Variants in NVL observed in about 807,000 individuals in gnomAD.
The protein encoded by NVL is nuclear VCP like.
In NVL, 84 loss-of-function variants were observed where a neutral mutation model predicts 110.2. That is an observed-to-expected ratio of 0.76 (90% confidence interval 0.64 to 0.91). The LOEUF is 0.91. Among genes scored for constraint, NVL ranks in the 40% least tolerant of loss-of-function variants. NVL has a pLI of 0.00. For synonymous variants in NVL, 354 were observed against 361.1 expected (o/e 0.98, Z 0.22); for missense variants, 882 against 1,035.9 (o/e 0.85, Z 2.04).
chr1:224,301,398 G>A (rs575986994), intron 9 of NVL, among the ~76,000 whole-genome samples: 1 of 151,972 alleles, frequency 6.6e-6, no homozygotes, highest in Non-Finnish European at 1.5e-5. Context: ...ACCATTCCTG[G>A]CCTATCAAAA....
At chr1:224,272,805 C>T (rs1049033910) in intron 17 of NVL, among the ~76,000 whole-genome samples, 3 of 149,330 alleles carry the variant, frequency 2.0e-5, no homozygotes, top group African/African-American at 2.5e-5. Flanking sequence ...GAGGCCGAGG[C>T]GGGCGGATCG....
rs1374343940 is a variant in NVL, at chr1:224,227,688, A to G, written c.2527-18T>C. 6.2e-7 allele frequency: 1 copy of G among 1,607,152 alleles called. No individual in the cohort carries two copies. Among genetic ancestry groups the G allele is most frequent in the Admixed American group, 1.7e-5 (1 of 59,612 alleles). ...ATTTGATCCTGAAAGGAGGGAGAAC[A>G]CAGAATACAGAGACCGTCACTGCTT... On this transcript the variant is annotated intron_variant, in intron 22 of 22. Coordinates refer to ENST00000281701, the MANE Select transcript of NVL (RefSeq NM_002533.4).
At chr1:224,305,239 G>A (rs1272330755) in intron 6 of NVL, 73 bp from the exon 7 acceptor site, 5 of 1,460,062 alleles carry the variant, frequency 3.4e-6, no homozygotes, top group Non-Finnish European at 4.6e-6. Flanking sequence ...TTTTAAAGAG[G>A]GGCATTGTAA....
chr1:224,298,947 C>G (rs913077279), intron 10 of NVL, among the ~76,000 whole-genome samples: 7 of 151,116 alleles, frequency 4.6e-5, no homozygotes, highest in Non-Finnish European at 7.4e-5. Context: ...TATATTTTAC[C>G]ACAAAAAAGA....
Position 224,279,682 on chromosome 1 carries a change from A to G in NVL, c.1962+1441T>C, listed in dbSNP as rs553836136. The stretch of plus-strand genomic sequence containing the variant: ...TACTCCTGGCCACTTTCCTTGTTTT[A>G]TTGAAGAAAATCCTAGATGTCCTAT... On this transcript the variant is annotated intron_variant, in intron 16 of 22. Transcript: ENST00000281701. Among the ~76,000 whole-genome samples the G allele has an allele frequency of 2.6e-5, 4 of 152,264 alleles. No homozygotes were observed. In the East Asian group the frequency reaches 7.7e-4, roughly 29 times the overall value.
At chr1:224,242,592 C>T (rs1025291629) in intron 19 of NVL, among the ~76,000 whole-genome samples, 2 of 150,286 alleles carry the variant, frequency 1.3e-5, no homozygotes, top group Non-Finnish European at 2.9e-5. Flanking sequence ...CTCAGCCTTC[C>T]GAGTAGCTGG....
At chr1:224,278,179 C>A (rs1165148530) in intron 16 of NVL, among the ~76,000 whole-genome samples, 6 of 149,514 alleles carry the variant, frequency 4.0e-5, no homozygotes, top group Admixed American at 2.0e-4. Context: ...AGAGTGAACT[C>A]ATTTTCCAAT....
intron 16 of NVL, among the ~76,000 whole-genome samples, chr1:224,280,052 T>G (rs2102587886): frequency 6.6e-6 from 1 of 151,794 alleles, no homozygotes; most frequent in East Asian, 1.9e-4. Context: ...ATAGTAAATA[T>G]AGAAAGAAGT....
intron 6 of NVL, chr1:224,305,420 A>G (rs1346052730): frequency 2.9e-6 from 1 of 349,866 alleles, no homozygotes; most frequent in Non-Finnish European, 5.1e-6. Context: ...TTGGAATGAT[A>G]CAAAGATTAG....
chr1:224,275,344 G>C lies in NVL; in HGVS notation c.2077C>G (p.Arg693Gly). The C allele has an allele frequency of 6.2e-7, 1 of 1,613,994 alleles. No homozygotes were observed. Among genetic ancestry groups the C allele is most frequent in the Non-Finnish European group, 8.5e-7 (1 of 1,179,964 alleles). ...VDALCPRRSD[R>G]ETGASVRVVN... is the part of the protein sequence containing the mutation. ...CACTAGTCCATGATACTTACCTCTC[G>C]GTCTGATCTTCGAGGACATAAAGCA... The change falls in exon 17 of 23, where the codon CGA (arginine) becomes GGA (glycine). Residue 693 changes from arginine (R) to glycine (G), a missense_variant. Arg to Gly is a moderately radical substitution (Grantham distance 125). Transcript: ENST00000281701.
At chr1:224,316,181 AC>A (rs1459409566) in intron 4 of NVL, among the ~76,000 whole-genome samples, 3 of 152,186 alleles carry the variant, frequency 2.0e-5, no homozygotes, top group Non-Finnish European at 4.4e-5. Context: ...CTCAAAAAAA[AC>A]AAACAAAAAA....
chr1:224,255,760 T>C (rs1244247148), intron 18 of NVL, among the ~76,000 whole-genome samples: 1 of 152,212 alleles, frequency 6.6e-6, no homozygotes, highest in Non-Finnish European at 1.5e-5. Context: ...TCTTTTATGG[T>C]TTACGCTTTT....
intron 11 of NVL, 139 bp from the exon 12 acceptor site, chr1:224,294,550 A>G (rs1231268423): frequency 5.3e-6 from 4 of 752,622 alleles, no homozygotes; most frequent in Admixed American, 2.6e-5. Context: ...CATTTATTAA[A>G]TGTCAAATAT....
intron 5 of NVL, among the ~76,000 whole-genome samples, chr1:224,310,734 T>C (rs542065374): frequency 6.6e-6 from 1 of 151,536 alleles, no homozygotes; most frequent in African/African-American, 2.4e-5. Context: ...TCTTTCCTTC[T>C]CCTCTCTCTC....
chr1:224,227,763 C>A (rs1290586880), intron 22 of NVL, 93 bp from the exon 23 acceptor site: 1 of 1,129,460 alleles, frequency 8.9e-7, no homozygotes, highest in Non-Finnish European at 1.3e-6. Flanking sequence ...CAGTCCGCAC[C>A]CGCAGGACCT....
intron 5 of NVL, among the ~76,000 whole-genome samples, chr1:224,309,244 G>A (rs1056222870): frequency 6.6e-6 from 1 of 152,172 alleles, no homozygotes; most frequent in African/African-American, 2.4e-5. Flanking sequence ...GGGACTGGGC[G>A]TGGTAGCTCA....
intron 15 of NVL, among the ~76,000 whole-genome samples, chr1:224,284,713 A>G (rs1666692273): frequency 6.6e-6 from 1 of 152,166 alleles, no homozygotes. Context: ...AATGCAAATT[A>G]AACTGTAAGA....
chr1:224,308,274 G>C lies in NVL; in HGVS notation c.343-11C>G, dbSNP rs747462474. On this transcript the variant is annotated splice_polypyrimidine_tract_variant and intron_variant, in intron 5 of 22. Transcript: ENST00000281701. ...CATGTGATTTGCTGACTGGCAGAAAGATAAAACAAAATTGTAGCATAAATT... is the reference window on the plus strand; with the variant it reads ...CATGTGATTTGCTGACTGGCAGAAACATAAAACAAAATTGTAGCATAAATT... The C allele has an allele frequency of 1.9e-6, 3 of 1,586,210 alleles. No homozygotes were observed. Among genetic ancestry groups the C allele is most frequent in the South Asian group, 2.3e-5 (2 of 86,376 alleles).
At chr1:224,243,392 T>C (rs1239371388) in intron 19 of NVL, among the ~76,000 whole-genome samples, 2 of 151,550 alleles carry the variant, frequency 1.3e-5, no homozygotes, top group East Asian at 1.9e-4. Context: ...GCCTGGGAGG[T>C]TGAGGCTGCA....
Sources: allele counts gnomAD v4.1 joint callset (sites outside exome capture counted in the v4.1 genomes callset), GRCh38; gene constraint gnomAD v4.1.1; transcripts MANE v1.5; gene names NCBI Gene and HGNC (gene_info 2026-07-23, HGNC 2026-07-21).